RANBP2: variants seen among roughly 807,000 people sequenced by gnomAD.
The protein encoded by RANBP2 is RAN binding protein 2.
A neutral mutation model predicts 303.6 loss-of-function variants in RANBP2; 57 were observed. That is an observed-to-expected ratio of 0.19 (90% confidence interval 0.15 to 0.23). RANBP2 has a LOEUF of 0.23. RANBP2 is among the 10% of genes least tolerant of loss of function. The pLI, the probability that RANBP2 is intolerant of heterozygous loss-of-function variation, is 1.00. For synonymous variants in RANBP2, 1,167 were observed against 1,301.5 expected, an observed-to-expected ratio of 0.90 and a Z score of 2.23; for missense variants, 3,138 against 3,780.8, an observed-to-expected ratio of 0.83 and a Z score of 4.46.
chr2:108,897,207 T>C, the RANBP2 span: 3 of 1,613,616 alleles, frequency 1.9e-6, no homozygotes, highest in South Asian at 2.2e-5. Flanking sequence ...GGCAATCAAA[T>C]GGCAGCTCCG....
At chr2:109,570,571 C>G in the RANBP2 span, among the ~76,000 whole-genome samples, 10 of 151,282 alleles carry the variant, frequency 6.6e-5, no homozygotes, top group Middle Eastern at 3.4e-3. Flanking sequence ...GTTGCCCAGG[C>G]TGGAGTGCAG....
At chr2:109,570,013 G>A in the RANBP2 span, among the ~76,000 whole-genome samples, 2 of 151,248 alleles carry the variant, frequency 1.3e-5, 1 homozygote, top group South Asian at 4.2e-4. Flanking sequence ...CCCTACACCT[G>A]CCAACTGCCC....
chr2:109,390,111 GGCC>G, the RANBP2 span, among the ~76,000 whole-genome samples: 1 of 152,180 alleles, frequency 6.6e-6, no homozygotes, highest in Non-Finnish European at 1.5e-5. Context: ...GTCTACCGGA[GGCC>G]ATGCGGGTCC....
At chr2:108,883,812 C>T in the RANBP2 span, 8 of 152,314 alleles carry the variant, frequency 5.3e-5, no homozygotes, top group East Asian at 1.3e-3. Context: ...CCTCACTCCT[C>T]TCTTTGTAAA....
At chr2:108,891,908 C>T in the RANBP2 span, among the ~76,000 whole-genome samples, 2 of 152,056 alleles carry the variant, frequency 1.3e-5, no homozygotes, top group Non-Finnish European at 2.9e-5. Context: ...CAACCATAGG[C>T]CCCAGAAAGA....
the RANBP2 span, among the ~76,000 whole-genome samples, chr2:108,982,725 T>C: frequency 3.3e-5 from 5 of 152,208 alleles, no homozygotes; most frequent in Non-Finnish European, 7.3e-5. Context: ...AAGTTTGGTC[T>C]CCTGGTTTTT....
At chr2:108,788,832 G>A (rs1484785618), downstream of RANBP2, 1 of 1,613,796 alleles carries the variant, frequency 6.2e-7, no homozygotes, top group Admixed American at 1.7e-5. Context: ...AATCTTTCAT[G>A]GTTTCTTTGT....
the RANBP2 span, among the ~76,000 whole-genome samples, chr2:109,540,050 T>C: frequency 1.6e-4 from 25 of 152,288 alleles, no homozygotes; most frequent in South Asian, 4.6e-3. Context: ...AGGACTGGGA[T>C]TGCTGGGTTG....
chr2:109,525,940 A>G, the RANBP2 span, among the ~76,000 whole-genome samples: 3 of 152,244 alleles, frequency 2.0e-5, no homozygotes, highest in Admixed American at 2.0e-4. Flanking sequence ...CCCAGCTCAG[A>G]AGCCTCAGCA....
chr2:109,434,197 G>A, the RANBP2 span, among the ~76,000 whole-genome samples: 4 of 152,214 alleles, frequency 2.6e-5, no homozygotes, highest in Admixed American at 6.5e-5. Flanking sequence ...CCAGGAAGGC[G>A]CAGCCTGAGA....
the RANBP2 span, among the ~76,000 whole-genome samples, chr2:109,607,091 A>G: frequency 2.6e-5 from 4 of 152,342 alleles, no homozygotes; most frequent in South Asian, 4.1e-4. Flanking sequence ...ATCCATGGCC[A>G]TCGCTTCGTT....
chr2:109,709,270 C>T, the RANBP2 span, among the ~76,000 whole-genome samples: 1 of 147,084 alleles, frequency 6.8e-6, no homozygotes, highest in African/African-American at 2.5e-5. Flanking sequence ...CGCACCATTG[C>T]GCTCCAGCCT....
chr2:109,088,312 G>A, the RANBP2 span, among the ~76,000 whole-genome samples: 2 of 148,596 alleles, frequency 1.3e-5, no homozygotes, highest in African/African-American at 5.0e-5. Flanking sequence ...CAGGAGAATC[G>A]CTTGAACCCG....
downstream of RANBP2, among the ~76,000 whole-genome samples, chr2:108,786,495 G>C (rs554416286): frequency 8.5e-5 from 13 of 152,326 alleles, no homozygotes; most frequent in African/African-American, 3.1e-4. Flanking sequence ...AAACTTAACA[G>C]GTTAAATGGA....
the RANBP2 span, among the ~76,000 whole-genome samples, chr2:109,340,729 C>T: frequency 1.3e-5 from 2 of 152,108 alleles, no homozygotes; most frequent in Admixed American, 6.6e-5. Flanking sequence ...CAGTTTTATT[C>T]TCAGCATACT....
the RANBP2 span, among the ~76,000 whole-genome samples, chr2:109,734,355 C>A: frequency 1.4e-4 from 21 of 151,678 alleles, no homozygotes; most frequent in Non-Finnish European, 2.9e-4. Flanking sequence ...TTTCTATACA[C>A]CAGAAGGAAA....
chr2:108,792,257 A>G, the RANBP2 span, among the ~76,000 whole-genome samples: 2 of 152,144 alleles, frequency 1.3e-5, no homozygotes, highest in Non-Finnish European at 2.9e-5. Context: ...CCTGTTGATA[A>G]TACTGGTGCT....
At chr2:109,346,573 G>C in the RANBP2 span, among the ~76,000 whole-genome samples, 1 of 151,924 alleles carries the variant, frequency 6.6e-6, no homozygotes, top group Non-Finnish European at 1.5e-5. Context: ...AGTTGAGCAG[G>C]TATTGGCCAC....
chr2:109,566,666 A>G, the RANBP2 span, among the ~76,000 whole-genome samples: 1 of 152,108 alleles, frequency 6.6e-6, no homozygotes, highest in African/African-American at 2.4e-5. Flanking sequence ...GAGAGGAGTG[A>G]GAGATCACTA....
Sources: allele counts gnomAD v4.1 joint callset (sites outside exome capture counted in the v4.1 genomes callset), GRCh38; gene constraint gnomAD v4.1.1; transcripts MANE v1.5; gene names NCBI Gene and HGNC (gene_info 2026-07-23, HGNC 2026-07-21).